The following GRAMD2B variants were observed in gnomAD, a reference collection of about 807,000 sequenced individuals.
GRAMD2B encodes GRAM domain containing 2B.
A neutral mutation model predicts 59.2 loss-of-function variants in GRAMD2B; 41 were observed. The observed-to-expected ratio is 0.69, with a 90% CI of 0.54 to 0.90. The LOEUF (loss-of-function observed/expected upper bound fraction) is 0.90. Ranked by LOEUF, GRAMD2B falls within the 40% of genes least tolerant of loss-of-function variation. The pLI, the probability that GRAMD2B is intolerant of heterozygous loss-of-function variation, is 0.00. For synonymous variants in GRAMD2B, 161 were observed against 182.7 expected, an observed-to-expected ratio of 0.88 and a Z score of 0.96; for missense variants, 424 against 500.5, an observed-to-expected ratio of 0.85 and a Z score of 1.46.
intron 5 of GRAMD2B, among the ~76,000 whole-genome samples, chr5:126,475,141 T>C (rs1212408724): frequency 6.6e-6 from 1 of 152,052 alleles, no homozygotes; most frequent in Non-Finnish European, 1.5e-5. Flanking sequence ...ATTAATAAAG[T>C]ATAGCCTTAA....
chr5:126,402,516 A>G (rs1757923612), intron 1 of GRAMD2B, among the ~76,000 whole-genome samples: 1 of 152,046 alleles, frequency 6.6e-6, no homozygotes, highest in African/African-American at 2.4e-5. Flanking sequence ...TGCAGCTCAG[A>G]ACTCAGTCTG....
chr5:126,472,458 C>T (rs1769792995), intron 4 of GRAMD2B, among the ~76,000 whole-genome samples, 154 bp downstream of exon 4: 1 of 152,202 alleles, frequency 6.6e-6, no homozygotes, highest in Non-Finnish European at 1.5e-5. Context: ...CTTCAGTCAG[C>T]TTTCACCAGG....
At chr5:126,450,224 G>A (rs1332459540) in intron 1 of GRAMD2B, among the ~76,000 whole-genome samples, 2 of 152,138 alleles carry the variant, frequency 1.3e-5, no homozygotes, top group East Asian at 3.9e-4. Context: ...CTCCACGGGG[G>A]TGGAGAGGGG....
intron 1 of GRAMD2B, among the ~76,000 whole-genome samples, chr5:126,458,588 TG>T (rs1409053439): frequency 6.6e-6 from 1 of 152,188 alleles, no homozygotes; most frequent in East Asian, 1.9e-4. Flanking sequence ...GGATTTACTC[TG>T]GGGCTCCATA....
rs373483474 is a variant in GRAMD2B, at chr5:126,449,273, A to T, written c.84-16153A>T. On this transcript the variant is annotated intron_variant, in intron 1 of 13. Transcript: ENST00000285689. ...AGTTATATTTAAAATATTGGGGTAA[A>T]CATTTTAACAGCAGTGAGGAGCTAT... Among the ~76,000 whole-genome samples, 57 of 152,334 alleles carry T rather than the reference A, an allele frequency of 3.7e-4. 2 individuals carry two copies. Among genetic ancestry groups the T allele is most frequent in the African/African-American group, 1.4e-3 (57 of 41,580 alleles).
intron 13 of GRAMD2B, among the ~76,000 whole-genome samples, chr5:126,491,869 G>T (rs1774002044): frequency 6.6e-6 from 1 of 152,090 alleles, no homozygotes; most frequent in Admixed American, 6.6e-5. Flanking sequence ...AAGTAGCTGG[G>T]ATTACAGGCA....
chr5:126,487,784 A>G (rs1445986138), intron 12 of GRAMD2B, among the ~76,000 whole-genome samples: 1 of 152,218 alleles, frequency 6.6e-6, no homozygotes, highest in Non-Finnish European at 1.5e-5. Context: ...TCAGAGTAAT[A>G]ATTAGTTTAA....
At chr5:126,389,396 C>T (rs886491929) in intron 1 of GRAMD2B, among the ~76,000 whole-genome samples, 6 of 152,166 alleles carry the variant, frequency 3.9e-5, no homozygotes, top group Middle Eastern at 3.2e-3. Context: ...GTCATTCTTC[C>T]GTGAGCAAGG....
chr5:126,393,085 A>G (rs1043960914), intron 1 of GRAMD2B, among the ~76,000 whole-genome samples: 1 of 152,244 alleles, frequency 6.6e-6, no homozygotes, highest in Non-Finnish European at 1.5e-5. Context: ...GGGTACTTGG[A>G]ATTTCTTAGA....
chr5:126,394,897 C>T (rs954555323), intron 1 of GRAMD2B, among the ~76,000 whole-genome samples: 22 of 152,048 alleles, frequency 1.4e-4, no homozygotes, highest in African/African-American at 3.9e-4. Context: ...AAACTAATAA[C>T]GCTTAGCTAA....
In GRAMD2B at chr5:126,486,942, G is replaced by T. The variant is rs141904610; in HGVS notation, c.1128G>T (p.Gly376=). The T allele has an allele frequency of 4.1e-4, 654 of 1,610,626 alleles. No homozygotes were observed. The highest frequency in any genetic ancestry group is 5.3e-4 in the Non-Finnish European group (627 of 1,177,456). ...YRINTLEEQL[G]LLTSIVDTHN... Reference sequence around the variant, plus strand: ...TTAATACTCTGGAGGAGCAGCTGGGGTTACTAACCTCCATTGTGGACACCC... The same window carrying T: ...TTAATACTCTGGAGGAGCAGCTGGGTTTACTAACCTCCATTGTGGACACCC... Residue 376 remains glycine, a synonymous_variant, in exon 12 of 14, where the codon GGG becomes GGT. Coordinates refer to ENST00000285689, the MANE Select transcript of GRAMD2B (RefSeq NM_023927.4).
At chr5:126,484,975 T>A (rs3934958) in intron 10 of GRAMD2B, among the ~76,000 whole-genome samples, 4,931 of 152,286 alleles carry the variant, frequency 0.032, 125 homozygotes, top group Middle Eastern at 0.071. Context: ...TCACTTATTC[T>A]TTTAGCAAAC....
chr5:126,389,880 G>A (rs992644250), intron 1 of GRAMD2B, among the ~76,000 whole-genome samples: 6 of 152,068 alleles, frequency 3.9e-5, no homozygotes, highest in Non-Finnish European at 2.9e-5. Context: ...CCTGGGAGGT[G>A]GAGGTTGCAG....
chr5:126,407,363 T>C (rs1245528238), intron 1 of GRAMD2B, among the ~76,000 whole-genome samples: 1 of 152,000 alleles, frequency 6.6e-6, no homozygotes, highest in Non-Finnish European at 1.5e-5. Flanking sequence ...AAGACTGTCC[T>C]AAGCAAACCA....
upstream of GRAMD2B, among the ~76,000 whole-genome samples, chr5:126,420,787 T>C (rs1274815437): frequency 6.6e-6 from 1 of 152,136 alleles, no homozygotes; most frequent in African/African-American, 2.4e-5. Flanking sequence ...TGCACACCCA[T>C]GTTCATAGCA....
At chr5:126,364,262 A>T (rs1233665002) in intron 1 of GRAMD2B, among the ~76,000 whole-genome samples, 3 of 152,224 alleles carry the variant, frequency 2.0e-5, no homozygotes, top group Non-Finnish European at 4.4e-5. Context: ...ATACAAACAG[A>T]AAGAGTCTGC....
At chr5:126,368,319 G>T (rs533638799), upstream of GRAMD2B, among the ~76,000 whole-genome samples, 4 of 152,344 alleles carry the variant, frequency 2.6e-5, no homozygotes, top group African/African-American at 9.6e-5. Flanking sequence ...CAGTCAAAGG[G>T]CTCAGGCAGT....
At chr5:126,466,335 G>A (rs62394179) in intron 2 of GRAMD2B, 328,420 of 1,332,452 alleles carry the variant, frequency 0.25, 42,889 homozygotes, top group Non-Finnish European at 0.26. Context: ...TCAGGACCAA[G>A]AGTAAGTCTT....
chr5:126,422,921 C>A (rs555685171), upstream of GRAMD2B, among the ~76,000 whole-genome samples: 1 of 151,220 alleles, frequency 6.6e-6, no homozygotes, highest in Admixed American at 6.6e-5. Flanking sequence ...AACCACCCCC[C>A]CCACCCCAGA....
Sources: gnomAD v4.1 joint callset for allele counts (sites outside exome capture counted in the v4.1 genomes callset) on GRCh38, gnomAD v4.1.1 for gene constraint, MANE v1.5 for transcripts, NCBI Gene and HGNC (gene_info 2026-07-23, HGNC 2026-07-21) for gene names.